The following FAM133A variants were observed in gnomAD, a reference collection of about 807,000 sequenced individuals.
FAM133A encodes the protein protein FAM133A.
For missense variants in FAM133A, 159 were observed against 164.4 expected (o/e 0.97, Z 0.18); for synonymous variants, 65 against 58.6 (o/e 1.11, Z -0.50).
chrX:93,682,082 G>C (rs1162144218), intron 2 of FAM133A, among the ~76,000 whole-genome samples: 1 of 111,505 alleles, frequency 9.0e-6, no homozygotes, highest in East Asian at 2.8e-4. Flanking sequence ...ATACTTCACT[G>C]TCTTGAATCA....
intron 3 of FAM133A, among the ~76,000 whole-genome samples, chrX:93,699,694 T>C: frequency 9.0e-6 from 1 of 111,556 alleles, no homozygotes; most frequent in Middle Eastern, 4.6e-3. Context: ...TCTATTTTCT[T>C]TCTCTGTTTT....
chrX:93,697,168 T>TATATATATATAA (rs1491459418), intron 2 of FAM133A, among the ~76,000 whole-genome samples: 4 of 73,979 alleles, frequency 5.4e-5, no homozygotes, highest in African/African-American at 3.8e-4. Flanking sequence ...ATAGGCAAGT[T>TATATATATATAA]ATATATATAT....
intron 2 of FAM133A, among the ~76,000 whole-genome samples, chrX:93,694,854 A>T (rs5940324): frequency 0.45 from 49,175 of 110,454 alleles, 8,195 homozygotes; most frequent in Admixed American, 0.54. Flanking sequence ...TATGATATAC[A>T]TACAAAAGTA....
chrX:93,683,896 A>C (rs1377131677), intron 2 of FAM133A, among the ~76,000 whole-genome samples: 1 of 110,485 alleles, frequency 9.1e-6, no homozygotes, highest in Non-Finnish European at 1.9e-5. Flanking sequence ...TATATTCTGG[A>C]TATTAATTCC....
chrX:93,679,443 T>C (rs1253561727), intron 2 of FAM133A, among the ~76,000 whole-genome samples: 1 of 111,318 alleles, frequency 9.0e-6, no homozygotes, highest in East Asian at 2.8e-4. Context: ...CATTTCTGAA[T>C]TGCGTTTCTA....
Position 93,710,493 on chromosome X carries a change from A to C in FAM133A, c.*327A>C. The stretch of plus-strand genomic sequence containing the variant: ...ATACATCTTTGAAATATCACCATCA[A>C]TGAAACATAAATGTAATTTCCAGAC... On this transcript the variant is annotated 3_prime_UTR_variant, in exon 4 of 4. Transcript: ENST00000683942. 5.5e-6 allele frequency: 1 copy of C among 183,438 alleles called. No homozygotes were observed. The highest frequency in any genetic ancestry group is 1.1e-5 in the Non-Finnish European group (1 of 91,738). 15.1% of individuals were successfully genotyped at this position (183,438 alleles called of 1,213,427 possible). A position where few individuals can be genotyped will look rare whatever the true frequency, so the allele number is the denominator to read the frequency against.
Position 93,710,084 on chromosome X carries a change from TAAAG to T in FAM133A, c.668_671del (p.Lys223ArgfsTer49). ...GAGCGAGAACAAGCAAAGGAAAAAG[TAAAG>T]AAGAAGAAGAAGAAACAGCACAAGA... On this transcript the variant is annotated frameshift_variant, in exon 4 of 4. Transcript: ENST00000683942. LOFTEE classifies it high-confidence loss of function. The T allele has an allele frequency of 8.4e-7, 1 of 1,196,372 alleles. No homozygotes were observed. The highest frequency in any genetic ancestry group is 1.1e-6 in the Non-Finnish European group (1 of 887,214).
intron 2 of FAM133A, among the ~76,000 whole-genome samples, chrX:93,691,708 T>C (rs1925906168): frequency 8.9e-6 from 1 of 111,970 alleles, no homozygotes; most frequent in Non-Finnish European, 1.9e-5. Context: ...GCTGGTATTT[T>C]TATAGGGGTT....
chrX:93,682,587 A>G (rs188764898), intron 2 of FAM133A, among the ~76,000 whole-genome samples: 5 of 112,210 alleles, frequency 4.5e-5, no homozygotes, highest in African/African-American at 1.6e-4. Flanking sequence ...AACTTCTTAA[A>G]CAAATGAACT....
intron 2 of FAM133A, among the ~76,000 whole-genome samples, chrX:93,690,516 T>C (rs1471353648): frequency 1.8e-5 from 2 of 111,930 alleles, no homozygotes; most frequent in African/African-American, 6.5e-5. Context: ...ACTTATGTTT[T>C]TGAGGTCCGT....
intron 3 of FAM133A, among the ~76,000 whole-genome samples, chrX:93,702,837 T>TAAAAA (rs33985910): frequency 2.8e-3 from 120 of 43,045 alleles, no homozygotes; most frequent in Non-Finnish European, 4.2e-3. Context: ...ATAGCTATGA[T>TAAAAA]AAAAAAAAAA....
intron 2 of FAM133A, among the ~76,000 whole-genome samples, chrX:93,675,876 C>T (rs1407161238): frequency 3.6e-5 from 4 of 110,721 alleles, no homozygotes; most frequent in Non-Finnish European, 7.6e-5. Context: ...CAATGATTTA[C>T]GTCATTGATG....
At chrX:93,676,724 T>G (rs1431953106) in intron 2 of FAM133A, among the ~76,000 whole-genome samples, 1 of 109,318 alleles carries the variant, frequency 9.1e-6, no homozygotes, top group Non-Finnish European at 1.9e-5. Flanking sequence ...GAATGGAACA[T>G]GGAGATGAAA....
At chrX:93,690,246 C>T (rs921699269) in intron 2 of FAM133A, among the ~76,000 whole-genome samples, 13 of 110,949 alleles carry the variant, frequency 1.2e-4, no homozygotes, top group African/African-American at 3.9e-4. Context: ...AATTACATAC[C>T]ATAAATTTCA....
intron 3 of FAM133A, among the ~76,000 whole-genome samples, chrX:93,700,868 G>T (rs961719864): frequency 1.4e-4 from 16 of 111,133 alleles, no homozygotes; most frequent in Non-Finnish European, 2.8e-4. Context: ...ATTTATGTGG[G>T]GGTGGCAGTT....
At chrX:93,695,264 T>G (rs182415003) in intron 2 of FAM133A, among the ~76,000 whole-genome samples, 36 of 111,643 alleles carry the variant, frequency 3.2e-4, no homozygotes, top group South Asian at 7.5e-4. Flanking sequence ...TTTTGTTTTT[T>G]TTTTCTGAGA....
chrX:93,687,725 A>T (rs1327394141), intron 2 of FAM133A, among the ~76,000 whole-genome samples: 1 of 111,708 alleles, frequency 9.0e-6, no homozygotes, highest in African/African-American at 3.2e-5. Flanking sequence ...TAGTCATCTT[A>T]CTATGCAATA....
chrX:93,709,198 T>A (rs1927246260), intron 3 of FAM133A, 119 bp from the exon 4 acceptor site: 1 of 333,232 alleles, frequency 3.0e-6, no homozygotes, highest in African/African-American at 2.7e-5. Context: ...TCCCATGGTA[T>A]AAGATTTTGG....
intron 3 of FAM133A, among the ~76,000 whole-genome samples, chrX:93,702,815 TA>T (rs1366350528): frequency 1.4e-5 from 1 of 73,417 alleles, no homozygotes; most frequent in Non-Finnish European, 2.4e-5. Context: ...CCCAAAAACT[TA>T]CAATCTAATT....
Sources: allele counts gnomAD v4.1 joint callset (sites outside exome capture counted in the v4.1 genomes callset), GRCh38; gene constraint gnomAD v4.1.1; transcripts MANE v1.5; gene names NCBI Gene and HGNC (gene_info 2026-07-23, HGNC 2026-07-21).